Variants in ZEB2 observed in about 807,000 individuals in gnomAD.
ZEB2 encodes zinc finger E-box binding homeobox 2, also known as zinc finger E-box-binding homeobox 2.
Under a neutral mutation model 99.9 loss-of-function variants are expected in ZEB2, and 6 were observed. The ratio of observed to expected loss-of-function variants is 0.06; its 90% CI spans 0.03 to 0.12. The LOEUF (loss-of-function observed/expected upper bound fraction) is 0.12. Among genes scored for constraint, ZEB2 ranks in the 10% least tolerant of loss-of-function variants. The pLI is 1.00. For synonymous variants in ZEB2, 517 were observed against 542.5 expected (o/e 0.95, Z 0.65); for missense variants, 969 against 1,502.8 (o/e 0.64, Z 5.87).
At chr2:144,405,469 C>T (rs1703374045) in intron 4 of ZEB2, 1 of 199,124 alleles carries the variant, frequency 5.0e-6, no homozygotes, top group Admixed American at 5.5e-5. Flanking sequence ...GACTGAGCGT[C>T]CCTAACCACA....
chr2:144,398,386 T>C lies in ZEB2; in HGVS notation c.2801A>G (p.His934Arg). 4 of 1,614,018 alleles carry C rather than the reference T, an allele frequency of 2.5e-6. No individual in the cohort carries two copies. Among genetic ancestry groups the C allele is most frequent in the Non-Finnish European group, 3.4e-6 (4 of 1,179,942 alleles). ...PGLDQMSFLPHMAYTYPTGAA... is the reference protein window; with the variant it reads ...PGLDQMSFLPRMAYTYPTGAA... The stretch of plus-strand genomic sequence containing the variant: ...TCCAGTTGGGTAGGTGTAGGCCATA[T>C]GTGGTAGGAAGCTCATCTGATCCAG... The change falls in exon 8 of 10, where the codon CAT (histidine) becomes CGT (arginine). Residue 934 changes from histidine (H) to arginine (R), a missense_variant. Coordinates refer to ENST00000627532, the MANE Select transcript of ZEB2 (RefSeq NM_014795.4).
rs549270257 is a variant in ZEB2, at chr2:144,497,750, A to G, written c.73+19528T>C. On this transcript the variant is annotated intron_variant, in intron 2 of 9. Transcript: ENST00000627532. The stretch of plus-strand genomic sequence containing the variant: ...AGGCATGTAGTCCAGGCCTTTTCTG[A>G]CAATCTTGATGACCCTGTAAGAGTA... The G allele has an allele frequency of 7.4e-5, 12 of 162,794 alleles. No homozygotes were observed. In the South Asian group the frequency reaches 2.3e-3, roughly 31 times the overall value. The allele number at this position is 162,794 out of a possible 1,614,324, so 10.1% of individuals were successfully genotyped here.
intron 4 of ZEB2, chr2:144,424,244 C>A (rs951609693): frequency 1.8e-5 from 7 of 397,768 alleles, no homozygotes; most frequent in African/African-American, 1.1e-4. Flanking sequence ...CTTGTCAATT[C>A]TTCTCTAAAA....
Position 144,388,951 on chromosome 2 carries a change from A to C in ZEB2, c.*500T>G, listed in dbSNP as rs1347651535. On this transcript the variant is annotated 3_prime_UTR_variant, in exon 10 of 10. Transcript: ENST00000627532. This position sits in a 1 kb window ranked among gnomAD's most constrained non-coding sequence, Gnocchi z 5.4. ...TACTTAAGCTGAAAAAAAAAATGGG[A>C]AATTGATGAATAGCGAAAGGAAAGT... 2.0e-5 allele frequency: 9 copies of C among 449,782 alleles called. No homozygotes were observed. The highest frequency in any genetic ancestry group is 5.2e-5 in the Admixed American group (2 of 38,424). The allele number at this position is 449,782 out of a possible 1,614,324, so 27.9% of individuals were successfully genotyped here. A position where few individuals can be genotyped will look rare whatever the true frequency, so the allele number is the denominator to read the frequency against.
intron 2 of ZEB2, among the ~76,000 whole-genome samples, chr2:144,469,655 G>A (rs890075191): frequency 2.0e-5 from 3 of 152,128 alleles, no homozygotes; most frequent in Non-Finnish European, 4.4e-5. Context: ...TGCTGTACCT[G>A]AAAAAGTTAT....
At chr2:144,415,903 C>T (rs1039701863) in intron 4 of ZEB2, among the ~76,000 whole-genome samples, 1 of 152,220 alleles carries the variant, frequency 6.6e-6, no homozygotes, top group Non-Finnish European at 1.5e-5. Context: ...TGCCTGTATA[C>T]TGCAAGCAAA....
intron 2 of ZEB2, among the ~76,000 whole-genome samples, chr2:144,467,865 G>C (rs564576179): frequency 2.0e-5 from 3 of 152,248 alleles, no homozygotes; most frequent in African/African-American, 7.2e-5. Flanking sequence ...TCAGAAGATA[G>C]CAATGCGTGC....
At chr2:144,514,404 C>A (rs368170585) in intron 2 of ZEB2, 1 of 152,274 alleles carries the variant, frequency 6.6e-6, no homozygotes, top group South Asian at 2.1e-4. Flanking sequence ...TCTACTTATA[C>A]GATTATTATT....
At chr2:144,405,221 T>C in intron 4 of ZEB2, 197 bp from the exon 5 acceptor site, 1 of 618,850 alleles carries the variant, frequency 1.6e-6, no homozygotes, top group Non-Finnish European at 2.8e-6. Context: ...GCGGGCACTT[T>C]CCTTCAAGTT....
In ZEB2 at chr2:144,389,340, G is replaced by C. The variant is rs1703122189; in HGVS notation, c.*111C>G. ...ACCGCCCCTTCTGTCCCTCTCTACA[G>C]CTTCCTGGAAGCGTCAGGCACGTGC... On this transcript the variant is annotated 3_prime_UTR_variant, in exon 10 of 10. Coordinates refer to ENST00000627532, the MANE Select transcript of ZEB2 (RefSeq NM_014795.4). The surrounding 1 kb of genome is among the most constrained non-coding windows in gnomAD (Gnocchi z 6.8). 7.8e-7 allele frequency: 1 copy of C among 1,280,122 alleles called. No homozygotes were observed. The highest frequency in any genetic ancestry group is 1.1e-6 in the Non-Finnish European group (1 of 883,498). The allele number at this position is 1,280,122 out of a possible 1,614,324, so 79.3% of individuals were successfully genotyped here.
At chr2:144,460,589 A>G (rs940841871) in intron 2 of ZEB2, among the ~76,000 whole-genome samples, 29 of 152,238 alleles carry the variant, frequency 1.9e-4, no homozygotes, top group African/African-American at 6.0e-4. Flanking sequence ...GAAAATTTCA[A>G]TCTCATCTTA....
chr2:144,493,274 T>C (rs1177632649), intron 2 of ZEB2, among the ~76,000 whole-genome samples: 1 of 152,200 alleles, frequency 6.6e-6, no homozygotes, highest in Admixed American at 6.5e-5. Context: ...GCATCCTGAT[T>C]AGTCACACCT....
intron 2 of ZEB2, among the ~76,000 whole-genome samples, chr2:144,440,084 C>A (rs1036142627): frequency 6.6e-6 from 1 of 152,036 alleles, no homozygotes; most frequent in African/African-American, 2.4e-5. Context: ...TGTAAAAGAA[C>A]TTGTGTGGAG....
At chr2:144,440,485 GTATATATATATA>G (rs147950352) in intron 2 of ZEB2, among the ~76,000 whole-genome samples, 35 of 89,356 alleles carry the variant, frequency 3.9e-4, no homozygotes, top group African/African-American at 1.4e-3. Context: ...CCCAAAAGCA[GTATATATATATA>G]TATATATATA....
intron 2 of ZEB2, among the ~76,000 whole-genome samples, chr2:144,491,907 C>T (rs571199643): frequency 1.4e-4 from 21 of 152,314 alleles, no homozygotes; most frequent in East Asian, 7.7e-4. Flanking sequence ...ACCTTCTTTA[C>T]ATTTTGTAGC....
intron 2 of ZEB2, among the ~76,000 whole-genome samples, chr2:144,474,713 C>A (rs1055398752): frequency 1.3e-5 from 2 of 152,092 alleles, no homozygotes; most frequent in African/African-American, 4.8e-5. Flanking sequence ...AGAGATAGGA[C>A]CTTACATTAG....
intron 4 of ZEB2, among the ~76,000 whole-genome samples, chr2:144,406,423 G>A (rs139711331): frequency 3.9e-5 from 6 of 152,292 alleles, no homozygotes; most frequent in African/African-American, 1.4e-4. Flanking sequence ...AAGTTATATG[G>A]TGGTATAAAA....
chr2:144,451,339 A>G (rs138012897), intron 2 of ZEB2, among the ~76,000 whole-genome samples: 3 of 152,204 alleles, frequency 2.0e-5, no homozygotes, highest in African/African-American at 7.2e-5. Flanking sequence ...AGATTTTTCT[A>G]GTATTTCATC....
intron 2 of ZEB2, among the ~76,000 whole-genome samples, chr2:144,439,413 G>A (rs887534464): frequency 1.2e-4 from 19 of 152,250 alleles, no homozygotes; most frequent in African/African-American, 3.1e-4. Context: ...CTCGACACGC[G>A]TCAAGTAAAA....
Sources: gnomAD v4.1 joint callset for allele counts (sites outside exome capture counted in the v4.1 genomes callset) on GRCh38, gnomAD v4.1.1 for gene constraint, Gnocchi (gnomAD v3.1) non-coding constraint, MANE v1.5 for transcripts, NCBI Gene and HGNC (gene_info 2026-07-23, HGNC 2026-07-21) for gene names.